Variants in MAML2 observed in about 807,000 individuals in gnomAD.
The protein encoded by MAML2 is mastermind like transcriptional coactivator 2, also known as mastermind-like protein 2.
In MAML2, 22 loss-of-function variants were observed where a neutral mutation model predicts 96.1. That is an observed-to-expected ratio of 0.23 (90% confidence interval 0.16 to 0.33). The LOEUF is 0.33. Ranked by LOEUF, MAML2 falls within the 10% of genes least tolerant of loss-of-function variation. MAML2 has a pLI of 1.00. For missense variants in MAML2, 1,367 were observed against 1,392.4 expected (o/e 0.98, Z 0.29); for synonymous variants, 561 against 521.3 (o/e 1.08, Z -1.04).
At chr11:96,208,349 C>A (rs1219257742) in intron 1 of MAML2, among the ~76,000 whole-genome samples, 1 of 152,136 alleles carries the variant, frequency 6.6e-6, no homozygotes, top group Non-Finnish European at 1.5e-5. Flanking sequence ...GTGCCTGGCA[C>A]CCAAGAATGA....
chr11:96,043,208 A>G (rs1858844793), intron 2 of MAML2, among the ~76,000 whole-genome samples: 1 of 152,226 alleles, frequency 6.6e-6, no homozygotes, highest in African/African-American at 2.4e-5. Context: ...CATTTTACAA[A>G]CAGGAACACA....
At chr11:96,213,222 C>A (rs1375755043) in intron 1 of MAML2, among the ~76,000 whole-genome samples, 1 of 152,156 alleles carries the variant, frequency 6.6e-6, no homozygotes, top group African/African-American at 2.4e-5. Flanking sequence ...GCTCTTAGAA[C>A]TTTCAAAGTA....
At chr11:96,232,862 T>A (rs1049156519) in intron 1 of MAML2, among the ~76,000 whole-genome samples, 6 of 152,164 alleles carry the variant, frequency 3.9e-5, no homozygotes, top group African/African-American at 1.4e-4. Context: ...AACCACAAAT[T>A]GGGCCAACAT....
At position 96,082,392 on chromosome 11, in the gene MAML2, G is replaced by A. The variant is rs11822591; in HGVS notation, c.2139+9500C>T. Among the ~76,000 whole-genome samples, 1,345 of 152,258 alleles carry A rather than the reference G, an allele frequency of 8.8e-3. 25 individuals are homozygous for A. The highest frequency in any genetic ancestry group is 0.031 in the African/African-American group (1,280 of 41,548). On this transcript the variant is annotated intron_variant, in intron 2 of 4. Coordinates refer to ENST00000524717, the MANE Select transcript of MAML2 (RefSeq NM_032427.4). The stretch of plus-strand genomic sequence containing the variant: ...ACTAGAGGGAGAAGAAACTAACTTT[G>A]TTTCATGAAAAGGAGTGATTATAGC...
intron 1 of MAML2, among the ~76,000 whole-genome samples, chr11:96,169,169 C>T (rs1166061283): frequency 1.3e-5 from 2 of 152,182 alleles, no homozygotes; most frequent in African/African-American, 4.8e-5. Context: ...GTTAATAACC[C>T]TTCATAAGAG....
At chr11:96,280,579 C>A (rs935970863) in intron 1 of MAML2, among the ~76,000 whole-genome samples, 1 of 152,188 alleles carries the variant, frequency 6.6e-6, no homozygotes, top group African/African-American at 2.4e-5. Context: ...GATCTTAGAA[C>A]TTCAGCAAGA....
intron 2 of MAML2, among the ~76,000 whole-genome samples, chr11:95,997,298 G>A (rs916859977): frequency 8.5e-5 from 13 of 152,188 alleles, no homozygotes; most frequent in Admixed American, 7.2e-4. Flanking sequence ...ACGTTTGTGA[G>A]TGTGTGTGTG....
intron 1 of MAML2, among the ~76,000 whole-genome samples, chr11:96,134,448 A>G (rs1183176545): frequency 6.6e-6 from 1 of 152,190 alleles, no homozygotes; most frequent in Non-Finnish European, 1.5e-5. Context: ...TTTCCTCCTT[A>G]TACAACATTA....
Position 96,341,819 on chromosome 11 carries a change from C to G in MAML2, c.77G>C (p.Gly26Ala), listed in dbSNP as rs200971316. The change falls in exon 1 of 5, where the codon GGC becomes GCC. Residue 26 changes from glycine (G) to alanine (A), a missense_variant. Coordinates refer to ENST00000524717, the MANE Select transcript of MAML2 (RefSeq NM_032427.4). ...ACTGTGCACTCTCGGGGTGACTGAG[C>G]CCCCTCCAAGGAGCCCCGCCCCAGA... ...GASGAGLLGG[G>A]SVTPRVHSAI... 2.7e-3 allele frequency: 4,271 copies of G among 1,593,754 alleles called. 12 individuals are homozygous for G. The highest frequency in any genetic ancestry group is 3.3e-3 in the Non-Finnish European group (3,906 of 1,173,238).
intron 1 of MAML2, among the ~76,000 whole-genome samples, chr11:96,266,955 G>A (rs182354472): frequency 2.0e-4 from 31 of 152,296 alleles, no homozygotes; most frequent in Non-Finnish European, 4.1e-4. Flanking sequence ...CTCCCATTGA[G>A]CAAATCATAC....
intron 2 of MAML2, among the ~76,000 whole-genome samples, chr11:96,086,732 T>A (rs1042125359): frequency 9.2e-5 from 14 of 152,140 alleles, no homozygotes; most frequent in African/African-American, 3.4e-4. Flanking sequence ...TTTAAACAAG[T>A]GAATAGAAGC....
chr11:96,231,557 T>C (rs998531602), intron 1 of MAML2, among the ~76,000 whole-genome samples: 2 of 152,120 alleles, frequency 1.3e-5, no homozygotes, highest in African/African-American at 2.4e-5. Flanking sequence ...TTGTTCTACA[T>C]ACAAGAGAGG....
intron 2 of MAML2, among the ~76,000 whole-genome samples, chr11:96,061,640 C>A (rs1037316849): frequency 6.6e-6 from 1 of 152,092 alleles, no homozygotes; most frequent in African/African-American, 2.4e-5. Context: ...ATCCACAAAT[C>A]CTACAAGACA....
At chr11:96,134,685 C>T (rs572494848) in intron 1 of MAML2, among the ~76,000 whole-genome samples, 4 of 152,288 alleles carry the variant, frequency 2.6e-5, no homozygotes, top group African/African-American at 7.2e-5. Flanking sequence ...CTTTTACTTA[C>T]CACATTGTGG....
At chr11:96,217,165 T>C (rs778725345) in intron 1 of MAML2, among the ~76,000 whole-genome samples, 1 of 152,232 alleles carries the variant, frequency 6.6e-6, no homozygotes, top group Non-Finnish European at 1.5e-5. Flanking sequence ...TAACAAGTAT[T>C]TGCTTAGCTA....
At chr11:96,082,340 C>T (rs1448255412) in intron 2 of MAML2, among the ~76,000 whole-genome samples, 1 of 152,158 alleles carries the variant, frequency 6.6e-6, no homozygotes. Context: ...AAGAACTATA[C>T]TGAAAGGTTT....
chr11:95,997,983 G>A (rs2135715067), intron 2 of MAML2, among the ~76,000 whole-genome samples: 1 of 152,160 alleles, frequency 6.6e-6, no homozygotes, highest in East Asian at 1.9e-4. Flanking sequence ...CATTTAAGAA[G>A]ATGCTAGATA....
At chr11:96,311,727 T>C (rs796459310) in intron 1 of MAML2, among the ~76,000 whole-genome samples, 7 of 152,344 alleles carry the variant, frequency 4.6e-5, no homozygotes, top group African/African-American at 1.7e-4. Flanking sequence ...AGAATACCTC[T>C]ATGATGGTTA....
chr11:96,319,312 C>T (rs1863672482), intron 1 of MAML2, among the ~76,000 whole-genome samples: 1 of 152,162 alleles, frequency 6.6e-6, no homozygotes, highest in South Asian at 2.1e-4. Context: ...CATGAGAGAT[C>T]CTGAGCTAGT....
Sources: gnomAD v4.1 joint callset for allele counts (sites outside exome capture counted in the v4.1 genomes callset) on GRCh38, gnomAD v4.1.1 for gene constraint, MANE v1.5 for transcripts, NCBI Gene and HGNC (gene_info 2026-07-23, HGNC 2026-07-21) for gene names.